CSMD1: variants seen among roughly 807,000 people sequenced by gnomAD.
CSMD1 encodes the protein CUB and sushi domain-containing protein 1.
CSMD1 carries 213 observed loss-of-function variants against 417.5 expected under a neutral mutation model. The ratio of observed to expected loss-of-function variants is 0.51; its 90% CI spans 0.46 to 0.57. The LOEUF (loss-of-function observed/expected upper bound fraction) is 0.57. Ranked by LOEUF, CSMD1 falls within the 20% of genes least tolerant of loss-of-function variation. The probability of loss-of-function intolerance (pLI) is 0.00; values close to 1 mark genes in which losing one functional copy is unlikely to be tolerated. For synonymous variants in CSMD1, 2,862 were observed against 1,736.8 expected (o/e 1.65, Z -16.11); for missense variants, 6,923 against 4,529.7 (o/e 1.53, Z -15.17).
chr8:4,576,208 C>G (rs533418570), intron 2 of CSMD1, among the ~76,000 whole-genome samples: 1 of 152,208 alleles, frequency 6.6e-6, no homozygotes, highest in Non-Finnish European at 1.5e-5. Flanking sequence ...CTACACTACT[C>G]CAGTCCCCAC....
chr8:4,062,557 G>C (rs60376681), intron 3 of CSMD1, among the ~76,000 whole-genome samples: 1 of 152,010 alleles, frequency 6.6e-6, no homozygotes, highest in African/African-American at 2.4e-5. Flanking sequence ...ACAACATTTC[G>C]TGAAACATAT....
At chr8:2,960,562 G>C (rs995015284) in intron 62 of CSMD1, among the ~76,000 whole-genome samples, 8 of 152,166 alleles carry the variant, frequency 5.3e-5, no homozygotes, top group African/African-American at 1.9e-4. Context: ...AACGTTCACT[G>C]AAGTGTTAGT....
At chr8:4,551,838 A>T (rs1030064708) in intron 2 of CSMD1, among the ~76,000 whole-genome samples, 1 of 149,326 alleles carries the variant, frequency 6.7e-6, no homozygotes. Context: ...GCCACTACAC[A>T]TGGCTAATTT....
intron 10 of CSMD1, 59 bp from the exon 11 acceptor site, chr8:3,493,785 T>G (rs13260183): frequency 0.049 from 69,207 of 1,408,338 alleles, 1,861 homozygotes; most frequent in African/African-American, 0.064. Context: ...TGACTTTTAA[T>G]AGGTATTGCA....
intron 3 of CSMD1, among the ~76,000 whole-genome samples, chr8:4,069,272 T>A (rs994828966): frequency 2.0e-5 from 3 of 152,190 alleles, no homozygotes; most frequent in Admixed American, 6.5e-5. Context: ...GTGAATTCTT[T>A]GTCTAGTAGG....
intron 3 of CSMD1, among the ~76,000 whole-genome samples, chr8:4,307,389 A>C (rs1798307434): frequency 2.0e-5 from 3 of 151,960 alleles, no homozygotes. Flanking sequence ...GGCCTCCTGC[A>C]CTCTTTTCTC....
At chr8:4,387,114 A>T (rs1803505728) in intron 3 of CSMD1, among the ~76,000 whole-genome samples, 1 of 152,352 alleles carries the variant, frequency 6.6e-6, no homozygotes, top group African/African-American at 2.4e-5. Context: ...ATAAATGGAA[A>T]GTTTCTGTAA....
chr8:3,996,018 G>C (rs1658349855), intron 5 of CSMD1, among the ~76,000 whole-genome samples: 1 of 152,160 alleles, frequency 6.6e-6, no homozygotes, highest in Non-Finnish European at 1.5e-5. Context: ...TCTATGACAA[G>C]GATGATCAAT....
intron 5 of CSMD1, among the ~76,000 whole-genome samples, chr8:3,908,695 G>A (rs922599143): frequency 6.6e-6 from 1 of 152,140 alleles, no homozygotes; most frequent in Non-Finnish European, 1.5e-5. Context: ...CTCTGGTGAA[G>A]CAATCGCTTA....
intron 1 of CSMD1, among the ~76,000 whole-genome samples, chr8:4,903,719 A>G (rs1303432759): frequency 6.6e-6 from 1 of 152,226 alleles, no homozygotes; most frequent in African/African-American, 2.4e-5. Flanking sequence ...CTAAAGAGCA[A>G]CACAGATGAA....
chr8:3,900,220 GACAGTGTTAACAGTGGAGCTGGGTA>G (rs1244313019), intron 5 of CSMD1, among the ~76,000 whole-genome samples: 1 of 151,924 alleles, frequency 6.6e-6, no homozygotes, highest in African/African-American at 2.4e-5. Flanking sequence ...GGAGCTGGGT[GACAGTGTTAACAGTGGAGCTGGGTA>G]ACAGGGCAGC....
At chr8:4,131,893 G>C (rs1803130438) in intron 3 of CSMD1, among the ~76,000 whole-genome samples, 1 of 149,952 alleles carries the variant, frequency 6.7e-6, no homozygotes. Flanking sequence ...CTCCCATGTA[G>C]CTGGGACTAC....
intron 1 of CSMD1, among the ~76,000 whole-genome samples, chr8:4,687,522 G>T (rs527652053): frequency 1.3e-5 from 2 of 152,272 alleles, no homozygotes; most frequent in East Asian, 3.9e-4. Flanking sequence ...TCTCTGGGAA[G>T]GTTTCTTGGT....
chr8:4,178,159 C>A lies in CSMD1; in HGVS notation c.416-146060G>T, dbSNP rs999566788. On this transcript the variant is annotated intron_variant, in intron 3 of 69. Transcript: ENST00000635120. ...GAATTTTAGACCAATATCCTTGATG[C>A]AGATTGATGCAGAAACCCTCAATAC... Among the ~76,000 whole-genome samples the A allele has an allele frequency of 1.2e-4, 19 of 152,190 alleles. No individual in the cohort carries two copies. The South Asian group carries it at 1.9e-3, about 15-fold the overall frequency.
At chr8:4,066,732 A>C (rs1337609333) in intron 3 of CSMD1, among the ~76,000 whole-genome samples, 2 of 152,132 alleles carry the variant, frequency 1.3e-5, no homozygotes, top group African/African-American at 4.8e-5. Context: ...ACGAGAGTGA[A>C]GACTGAGATG....
At position 3,679,671 on chromosome 8, in the gene CSMD1, T is replaced by C. The variant is rs1029722948; in HGVS notation, c.1009+28743A>G. Reference sequence around the variant, plus strand: ...GATATCCAGGAATTGAACTGAGCTCTGCACCAAGCAGACCTAATAGACATC... The same window carrying C: ...GATATCCAGGAATTGAACTGAGCTCCGCACCAAGCAGACCTAATAGACATC... On this transcript the variant is annotated intron_variant, in intron 7 of 69. Coordinates refer to ENST00000635120, the MANE Select transcript of CSMD1 (RefSeq NM_033225.6). Among the ~76,000 whole-genome samples, 39 of 152,166 alleles carry C rather than the reference T, an allele frequency of 2.6e-4. 1 individual carries two copies. Among genetic ancestry groups the C allele is most frequent in the Non-Finnish European group, 2.8e-4 (19 of 68,032 alleles).
At position 2,974,601 on chromosome 8, in the gene CSMD1, C is replaced by A; in HGVS notation, c.8590G>T (p.Val2864Phe). The change falls in exon 56 of 70, where the codon GTC (valine) becomes TTC (phenylalanine). Residue 2864 changes from valine to phenylalanine, a missense_variant. Physicochemically the swap from Val to Phe is conservative, Grantham distance 50. Coordinates refer to ENST00000635120, the MANE Select transcript of CSMD1 (RefSeq NM_033225.6). ...CCAGTGAGGACGGCGTTGGCAGGGA[C>A]CCCTGGGTGTCCACACGATATAGCT... ...CLAISCGHPG[V>F]PANAVLTGEL... 2 of 1,609,032 alleles carry A rather than the reference C, an allele frequency of 1.2e-6. No homozygotes were observed. The highest frequency in any genetic ancestry group is 1.7e-5 in the Admixed American group (1 of 59,344).
chr8:3,758,998 C>A (rs1485356307), intron 5 of CSMD1, among the ~76,000 whole-genome samples: 1 of 152,190 alleles, frequency 6.6e-6, no homozygotes, highest in Non-Finnish European at 1.5e-5. Context: ...GCTGCTGATA[C>A]CTTTATAACT....
intron 10 of CSMD1, among the ~76,000 whole-genome samples, chr8:3,521,514 G>A (rs762523272): frequency 6.6e-6 from 1 of 152,060 alleles, no homozygotes; most frequent in Non-Finnish European, 1.5e-5. Flanking sequence ...GTATTACAAT[G>A]ATCTGCCTGA....
Sources: gnomAD v4.1 joint callset for allele counts (sites outside exome capture counted in the v4.1 genomes callset) on GRCh38, gnomAD v4.1.1 for gene constraint, MANE v1.5 for transcripts, NCBI Gene and HGNC (gene_info 2026-07-23, HGNC 2026-07-21) for gene names.